The following TMEM223 variants were observed in gnomAD, a reference collection of about 807,000 sequenced individuals.
TMEM223 encodes the protein transmembrane protein 223.
Under a neutral mutation model 14.1 loss-of-function variants are expected in TMEM223, and 14 were observed. The ratio of observed to expected loss-of-function variants is 0.99; its 90% CI spans 0.66 to 1.55. TMEM223 has a LOEUF of 1.55. TMEM223 is among the 40% of genes most tolerant of loss of function. The probability of loss-of-function intolerance (pLI) is 0.00; values close to 1 mark genes in which losing one functional copy is unlikely to be tolerated. For synonymous variants in TMEM223, 145 were observed against 120.5 expected, an observed-to-expected ratio of 1.20 and a Z score of -1.33; for missense variants, 346 against 269.9, an observed-to-expected ratio of 1.28 and a Z score of -1.97.
chr11:62,776,399 A>G (rs1363641175), intron 1 of TMEM223: 6 of 1,613,604 alleles, frequency 3.7e-6, no homozygotes, highest in South Asian at 3.3e-5. Context: ...CTCTCAGTTC[A>G]TGAAGCACAC....
At chr11:62,774,471 G>A (rs1242729960) in intron 2 of TMEM223, 2 of 419,354 alleles carry the variant, frequency 4.8e-6, no homozygotes, top group Non-Finnish European at 4.8e-6. Flanking sequence ...GGACCTGGAC[G>A]TCACTGGTGA....
intron 1 of TMEM223, chr11:62,782,015 T>G: frequency 6.2e-7 from 1 of 1,609,042 alleles, no homozygotes; most frequent in South Asian, 1.1e-5. Flanking sequence ...AAGGAAGAGA[T>G]GACCCAGCAG....
intron 1 of TMEM223, among the ~76,000 whole-genome samples, chr11:62,779,675 A>C (rs2084212966): frequency 6.7e-6 from 1 of 149,716 alleles, no homozygotes; most frequent in South Asian, 2.1e-4. Flanking sequence ...TTAAAAAAAC[A>C]TTTTTTTTAA....
At chr11:62,784,480 G>GT (rs2084255757), downstream of TMEM223, among the ~76,000 whole-genome samples, 1 of 150,712 alleles carries the variant, frequency 6.6e-6, no homozygotes, top group African/African-American at 2.4e-5. Flanking sequence ...CTAATTTTTT[G>GT]TATTTTTAGT....
At position 62,790,246 on chromosome 11, in the gene TMEM223, A is replaced by C; in HGVS notation, c.*377T>G. 1.6e-6 allele frequency: 1 copy of C among 621,408 alleles called. No individual in the cohort carries two copies. The allele number at this position is 621,408 out of a possible 1,614,324, so 38.5% of individuals were successfully genotyped here. On this transcript the variant is annotated 3_prime_UTR_variant, in exon 2 of 2. Transcript: ENST00000307366. ...AATATTATATTACTGTCTTCATCTT[A>C]GTAGTGAGTTTTTGATGTTAAAGTA...
intron 1 of TMEM223, chr11:62,778,046 T>C (rs2084200041): frequency 1.9e-6 from 3 of 1,614,110 alleles, no homozygotes; most frequent in African/African-American, 1.3e-5. Flanking sequence ...AACTCTACTT[T>C]CCTGAGGATC....
At position 62,790,430 on chromosome 11, in the gene TMEM223, C is replaced by CGTTTTTTTTT. The variant is rs902712684; in HGVS notation, c.*183_*192dup. On this transcript the variant is annotated 3_prime_UTR_variant, in exon 2 of 2. Coordinates refer to ENST00000307366, the MANE Select transcript of TMEM223 (RefSeq NM_001080501.3). ...GGTTGTTACTCCATTCTAAGATTGG[C>CGTTTTTTTTT]GTTTTTTTTTGTTTTTTTTTTTGTA... 2 of 587,058 alleles carry CGTTTTTTTTT rather than the reference C, an allele frequency of 3.4e-6. No individual in the cohort carries two copies. The highest frequency in any genetic ancestry group is 1.9e-5 in the African/African-American group (1 of 52,738). The allele number at this position is 587,058 out of a possible 1,614,324, so 36.4% of individuals were successfully genotyped here.
intron 2 of TMEM223, chr11:62,772,159 ATATCT>A (rs1565185363): frequency 6.6e-6 from 3 of 456,198 alleles, no homozygotes; most frequent in South Asian, 4.6e-5. Flanking sequence ...ATACATAATA[ATATCT>A]TATTATTGAG....
chr11:62,787,617 C>G (rs1337416389), downstream of TMEM223: 2 of 1,407,944 alleles, frequency 1.4e-6, no homozygotes, highest in Non-Finnish European at 9.3e-7. Context: ...GGGCTTGCTG[C>G]TGCTCGGAGC....
chr11:62,774,496 G>T (rs1390181625), intron 2 of TMEM223: 1 of 442,716 alleles, frequency 2.3e-6, no homozygotes, highest in Non-Finnish European at 4.6e-6. Context: ...TTGATCCCCT[G>T]CCAGAGGAGT....
At chr11:62,789,349 C>G (rs776719240), downstream of TMEM223, 2 of 1,614,048 alleles carry the variant, frequency 1.2e-6, no homozygotes, top group South Asian at 1.1e-5. Context: ...TCTTCCTGGT[C>G]TTGGTGTCTG....
downstream of TMEM223, chr11:62,787,152 G>A (rs1168404267): frequency 6.4e-7 from 1 of 1,574,072 alleles, no homozygotes; most frequent in Non-Finnish European, 8.6e-7. Flanking sequence ...GCTGCCGCGG[G>A]CGCCTTTTCC....
intron 2 of TMEM223, among the ~76,000 whole-genome samples, chr11:62,774,212 G>T (rs2084169316): frequency 6.6e-6 from 1 of 152,086 alleles, no homozygotes; most frequent in South Asian, 2.1e-4. Context: ...GAGTAGCTGG[G>T]ACTACAGGCG....
At chr11:62,788,075 AG>A, downstream of TMEM223, 2 of 442,600 alleles carry the variant, frequency 4.5e-6, no homozygotes, top group Non-Finnish European at 9.1e-6. Flanking sequence ...CCTATAAAGT[AG>A]GCACTAGTGT....
chr11:62,778,009 T>A, intron 1 of TMEM223: 1 of 1,614,184 alleles, frequency 6.2e-7, no homozygotes, highest in South Asian at 1.1e-5. Flanking sequence ...CAGGAGGCAC[T>A]GCCCATGCGC....
At chr11:62,775,074 A>G (rs947553440) in intron 1 of TMEM223, among the ~76,000 whole-genome samples, 5 of 151,722 alleles carry the variant, frequency 3.3e-5, no homozygotes, top group African/African-American at 1.2e-4. Context: ...AAAAAAAAAA[A>G]AAAAAAGAAA....
chr11:62,782,077 C>T (rs781633709), intron 1 of TMEM223: 1 of 1,590,690 alleles, frequency 6.3e-7, no homozygotes, highest in East Asian at 2.2e-5. Context: ...TGCCTGTCCC[C>T]TCATGTCCCT....
downstream of TMEM223, chr11:62,789,281 C>T: frequency 6.2e-7 from 1 of 1,614,134 alleles, no homozygotes; most frequent in Non-Finnish European, 8.5e-7. Context: ...GGCTTGTTCT[C>T]TCCCTTTCAG....
Position 62,775,885 on chromosome 11 carries a change from G to C in TMEM223, c.315-1220C>G, listed in dbSNP as rs149856351. On this transcript the variant is annotated intron_variant, in intron 1 of 2. Transcript: ENST00000528367. Reference sequence around the variant, plus strand: ...TGGAGCTGAGCGATGAGGTGGCGGCGCTGCTCGCAGAGGACGTGTGCTATC... The same window carrying C: ...TGGAGCTGAGCGATGAGGTGGCGGCCCTGCTCGCAGAGGACGTGTGCTATC... 4.2e-4 allele frequency: 679 copies of C among 1,613,928 alleles called. 2 individuals are homozygous for C. Among genetic ancestry groups the C allele is most frequent in the East Asian group, 5.1e-4 (23 of 44,884 alleles).
Sources: gnomAD v4.1 joint callset for allele counts (sites outside exome capture counted in the v4.1 genomes callset) on GRCh38, gnomAD v4.1.1 for gene constraint, MANE v1.5 for transcripts, NCBI Gene and HGNC (gene_info 2026-07-23, HGNC 2026-07-21) for gene names.